EPHX2: variants seen among roughly 807,000 people sequenced by gnomAD.
EPHX2 encodes the protein bifunctional epoxide hydrolase 2.
In EPHX2, 74 loss-of-function variants were observed where a neutral mutation model predicts 78.7. That is an observed-to-expected ratio of 0.94 (90% CI 0.78 to 1.14). EPHX2 has a LOEUF of 1.14. EPHX2 is among the 50% of genes most tolerant of loss of function. The pLI is 0.00. For synonymous variants in EPHX2, 251 were observed against 255.2 expected (o/e 0.98, Z 0.16); for missense variants, 715 against 702.5 (o/e 1.02, Z -0.20).
chr8:27,524,501 T>TC (rs1271007899), intron 11 of EPHX2, among the ~76,000 whole-genome samples: 4 of 152,112 alleles, frequency 2.6e-5, no homozygotes, highest in Non-Finnish European at 5.9e-5. Context: ...CAGACTCAGG[T>TC]CCCTTCATGT....
At chr8:27,526,094 G>T (rs1814837608) in intron 12 of EPHX2, among the ~76,000 whole-genome samples, 4 of 152,292 alleles carry the variant, frequency 2.6e-5, no homozygotes, top group Admixed American at 1.3e-4. Context: ...GAGAATAAAA[G>T]ATGTTTCCTG....
Position 27,491,201 on chromosome 8 carries a change from C to T in EPHX2, c.-8C>T. On this transcript the variant is annotated 5_prime_UTR_variant, in exon 1 of 19. Transcript: ENST00000521400. The stretch of plus-strand genomic sequence containing the variant: ...CGTGTCCGGGTGCTAGGCTGCAGAC[C>T]CGCCGCCATGACGCTGCGCGCGGCC... 2.5e-6 allele frequency: 4 copies of T among 1,574,792 alleles called. No individual in the cohort carries two copies. The highest frequency in any genetic ancestry group is 2.3e-5 in the South Asian group (2 of 87,732).
intron 2 of EPHX2, among the ~76,000 whole-genome samples, chr8:27,501,610 A>G (rs1257415010): frequency 4.6e-5 from 7 of 151,796 alleles, no homozygotes; most frequent in African/African-American, 1.7e-4. Context: ...ATGGGGTTTC[A>G]CCGTGTTACC....
At chr8:27,534,512 C>T (rs907739254) in intron 12 of EPHX2, among the ~76,000 whole-genome samples, 1 of 152,030 alleles carries the variant, frequency 6.6e-6, no homozygotes, top group Non-Finnish European at 1.5e-5. Context: ...ATTAGCCGGG[C>T]GTGATAGTGG....
intron 6 of EPHX2, among the ~76,000 whole-genome samples, chr8:27,513,438 T>A (rs1454717967): frequency 6.6e-6 from 1 of 152,162 alleles, no homozygotes; most frequent in Non-Finnish European, 1.5e-5. Flanking sequence ...GGTTTGCATA[T>A]CCAGCCAGTT....
intron 12 of EPHX2, among the ~76,000 whole-genome samples, chr8:27,526,989 G>A (rs55910732): frequency 0.085 from 12,950 of 152,104 alleles, 1,830 homozygotes; most frequent in African/African-American, 0.29. Context: ...TGCCCAGGCT[G>A]GAGTACAGTG....
At chr8:27,500,357 C>T (rs1439708741) in intron 1 of EPHX2, among the ~76,000 whole-genome samples, 4 of 152,160 alleles carry the variant, frequency 2.6e-5, no homozygotes, top group Non-Finnish European at 5.9e-5. Context: ...TATGCTTCCT[C>T]TACAGCCTGC....
In EPHX2 at chr8:27,538,809, G is replaced by C. The variant is rs763896056; in HGVS notation, c.1276+117G>C. 10 of 1,212,562 alleles carry C rather than the reference G, an allele frequency of 8.2e-6. No homozygotes were observed. The South Asian group carries it at 1.2e-4, about 15-fold the overall frequency. The allele number at this position is 1,212,562 out of a possible 1,614,324, so 75.1% of individuals were successfully genotyped here. ...GCTCTCCAGCTCTGAACTTTAAGTT[G>C]CCCAACCAGGGTCCCCTCGGCATGC... On this transcript the variant is annotated intron_variant, in intron 14 of 18. Transcript: ENST00000521400.
rs1814264828 is a variant in EPHX2, at chr8:27,511,915, G to A, written c.735+5G>A. The stretch of plus-strand genomic sequence containing the variant: ...CATGGGTACGTGACAGTAAAGGTGA[G>A]TCAGTTTTGTCTCTCAGTCGGCTAA... On this transcript the variant is annotated splice_donor_5th_base_variant and intron_variant, in intron 6 of 18. Coordinates refer to ENST00000521400, the MANE Select transcript of EPHX2 (RefSeq NM_001979.6). 1.2e-6 allele frequency: 2 copies of A among 1,613,986 alleles called. No individual in the cohort carries two copies. The highest frequency in any genetic ancestry group is 4.5e-5 in the East Asian group (2 of 44,862).
intron 16 of EPHX2, among the ~76,000 whole-genome samples, chr8:27,543,520 CA>C (rs1338838654): frequency 6.6e-6 from 1 of 152,184 alleles, no homozygotes; most frequent in Non-Finnish European, 1.5e-5. Flanking sequence ...TGCAGCTCAG[CA>C]CACGTTCTCA....
chr8:27,519,552 ATACACTG>A (rs1814573596), intron 9 of EPHX2, among the ~76,000 whole-genome samples: 1 of 152,222 alleles, frequency 6.6e-6, no homozygotes, highest in African/African-American at 2.4e-5. Context: ...ATGTATTGGC[ATACACTG>A]AATAATTCAC....
intron 7 of EPHX2, 106 bp downstream of exon 7, chr8:27,515,919 G>C: frequency 3.1e-6 from 3 of 976,606 alleles, no homozygotes; most frequent in Non-Finnish European, 3.2e-6. Flanking sequence ...TGACAGTGGA[G>C]CATTGTCTCC....
chr8:27,515,964 C>T (rs1327820659), intron 7 of EPHX2, 151 bp downstream of exon 7: 22 of 728,918 alleles, frequency 3.0e-5, no homozygotes, highest in Non-Finnish European at 7.0e-6. Flanking sequence ...AGGGTGACTC[C>T]AGACCTCAGG....
chr8:27,542,817 G>A (rs941262351), intron 16 of EPHX2, among the ~76,000 whole-genome samples: 8 of 152,036 alleles, frequency 5.3e-5, no homozygotes, highest in African/African-American at 1.9e-4. Context: ...AATTTTTTGT[G>A]TTTTAGTAGA....
intron 2 of EPHX2, among the ~76,000 whole-genome samples, chr8:27,501,723 A>G (rs145222006): frequency 7.2e-5 from 11 of 152,248 alleles, no homozygotes; most frequent in African/African-American, 1.4e-4. Context: ...TATATTTTCA[A>G]TGAACATACA....
chr8:27,501,270 A>T (rs1040237589), intron 2 of EPHX2, among the ~76,000 whole-genome samples: 2 of 152,238 alleles, frequency 1.3e-5, no homozygotes, highest in South Asian at 2.1e-4. Flanking sequence ...TTTAATCCAT[A>T]AAAAAACCTC....
At chr8:27,505,255 C>G in intron 4 of EPHX2, 109 bp downstream of exon 4, 2 of 1,013,570 alleles carry the variant, frequency 2.0e-6, no homozygotes, top group Non-Finnish European at 2.9e-6. Context: ...CAGGACAGCT[C>G]TGAGTCCACT....
intron 12 of EPHX2, among the ~76,000 whole-genome samples, chr8:27,533,370 C>T (rs1815108002): frequency 1.3e-5 from 2 of 152,164 alleles, no homozygotes; most frequent in African/African-American, 4.8e-5. Context: ...GAAGGAGGAG[C>T]CCCTCTCCAG....
At chr8:27,516,917 C>CTTTTTTTTTTTTTTTTTTTTTTTTTT (rs145423911) in intron 8 of EPHX2, among the ~76,000 whole-genome samples, 2 of 144,196 alleles carry the variant, frequency 1.4e-5, no homozygotes, top group African/African-American at 2.7e-5. Flanking sequence ...AATTTCCTTC[C>CTTTTTTTTTTTTTTTTTTTTTTTTTT]TATTTTTTTT....
Sources: allele counts gnomAD v4.1 joint callset (sites outside exome capture counted in the v4.1 genomes callset), GRCh38; gene constraint gnomAD v4.1.1; transcripts MANE v1.5; gene names NCBI Gene and HGNC (gene_info 2026-07-23, HGNC 2026-07-21).